The following PTPRA variants were observed in gnomAD, a reference collection of about 807,000 sequenced individuals.
PTPRA encodes the protein protein tyrosine phosphatase receptor type A, also known as receptor-type tyrosine-protein phosphatase alpha.
Under a neutral mutation model 104.8 loss-of-function variants are expected in PTPRA, and 25 were observed. The observed-to-expected ratio is 0.24, with a 90% CI of 0.17 to 0.33. The LOEUF is 0.33. PTPRA is among the 10% of genes least tolerant of loss of function. The pLI, the probability that PTPRA is intolerant of heterozygous loss-of-function variation, is 1.00. For missense variants in PTPRA, 765 were observed against 1,015.3 expected, an observed-to-expected ratio of 0.75 and a Z score of 3.35; for synonymous variants, 323 against 368.9, an observed-to-expected ratio of 0.88 and a Z score of 1.43.
intron 3 of PTPRA, among the ~76,000 whole-genome samples, chr20:2,963,246 A>T (rs909645313): frequency 6.6e-6 from 1 of 152,208 alleles, no homozygotes; most frequent in African/African-American, 2.4e-5. Flanking sequence ...GGGAGCTTTA[A>T]AAGGGACTGC....
rs1450542876 is a variant in PTPRA, at chr20:2,873,554, G to T, written c.-335G>T. 1 of 151,588 alleles carries T rather than the reference G, an allele frequency of 6.6e-6. No homozygotes were observed. Among genetic ancestry groups the T allele is most frequent in the Admixed American group, 6.6e-5 (1 of 15,214 alleles). 9.4% of individuals were successfully genotyped at this position (151,588 alleles called of 1,614,324 possible). ...CGCGCGCGATCGCGCTCGGACCCCG[G>T]CCGCTGCCGCCATCACTGTCGCCCG... On this transcript the variant is annotated 5_prime_UTR_variant, in exon 1 of 24. Coordinates refer to ENST00000399903, the MANE Select transcript of PTPRA (RefSeq NM_001385305.1). The surrounding 1 kb of genome is among the most constrained non-coding windows in gnomAD (Gnocchi z 4.4).
chr20:3,020,253 G>A (rs1287031334), intron 13 of PTPRA, among the ~76,000 whole-genome samples: 1 of 152,060 alleles, frequency 6.6e-6, no homozygotes, highest in Non-Finnish European at 1.5e-5. Flanking sequence ...CCGCCACCAC[G>A]CCCAGCTAAT....
At chr20:2,888,583 G>A (rs1452476579) in intron 1 of PTPRA, among the ~76,000 whole-genome samples, 1 of 151,598 alleles carries the variant, frequency 6.6e-6, no homozygotes, top group Non-Finnish European at 1.5e-5. Context: ...AAAAAAAAAG[G>A]TTTGTTAGTG....
chr20:2,919,285 C>T (rs892251452), intron 1 of PTPRA, among the ~76,000 whole-genome samples: 1 of 152,194 alleles, frequency 6.6e-6, no homozygotes, highest in Non-Finnish European at 1.5e-5. Flanking sequence ...TTATTTAATG[C>T]ATTTTAAAAT....
chr20:2,968,830 T>C (rs2062041253), intron 5 of PTPRA, among the ~76,000 whole-genome samples: 2 of 152,116 alleles, frequency 1.3e-5, no homozygotes, highest in Admixed American at 6.6e-5. Flanking sequence ...GAGGATTACT[T>C]GAGGCCTGGC....
intron 1 of PTPRA, among the ~76,000 whole-genome samples, chr20:2,884,247 G>GTA (rs34116950): frequency 1.5e-4 from 22 of 151,702 alleles, no homozygotes; most frequent in East Asian, 5.8e-4. Flanking sequence ...TTTCTCTTGG[G>GTA]TATATATATA....
At position 3,027,813 on chromosome 20, in the gene PTPRA, T is replaced by C; in HGVS notation, c.1892T>C (p.Met631Thr). The change falls in exon 20 of 24, where the codon ATG becomes ACG. Residue 631 changes from methionine to threonine, a missense_variant. Physicochemically the swap from Met to Thr is moderately conservative, Grantham distance 81. Around this residue, in one of 4 missense-constraint regions of PTPRA, gnomAD observed 192 missense variants for 227.0 expected, o/e 0.85. Coordinates refer to ENST00000399903, the MANE Select transcript of PTPRA (RefSeq NM_001385305.1). ...IWEWKSCSIVMLTELEERGQE... is the reference protein window; with the variant it reads ...IWEWKSCSIVTLTELEERGQE... ...GAGTGGAAATCCTGCTCTATCGTGATGCTAACAGAACTGGAGGAGAGAGGC... is the reference window on the plus strand; with the variant it reads ...GAGTGGAAATCCTGCTCTATCGTGACGCTAACAGAACTGGAGGAGAGAGGC... 6.2e-7 allele frequency: 1 copy of C among 1,614,132 alleles called. No homozygotes were observed. The highest frequency in any genetic ancestry group is 8.5e-7 in the Non-Finnish European group (1 of 1,180,024).
chr20:2,953,039 C>T (rs1403174158), intron 3 of PTPRA, among the ~76,000 whole-genome samples: 1 of 152,040 alleles, frequency 6.6e-6, no homozygotes, highest in African/African-American at 2.4e-5. Flanking sequence ...TGTTCGAGTT[C>T]CTGCTTTCAA....
chr20:2,958,658 TAAAAAAAAAA>T (rs71195806), intron 3 of PTPRA, among the ~76,000 whole-genome samples: 40 of 62,282 alleles, frequency 6.4e-4, no homozygotes, highest in Non-Finnish European at 8.3e-4. Flanking sequence ...CCATCTCTAC[TAAAAAAAAAA>T]AAAAAAAAAA....
At chr20:3,009,813 G>T (rs565709948) in intron 11 of PTPRA, among the ~76,000 whole-genome samples, 10 of 152,002 alleles carry the variant, frequency 6.6e-5, no homozygotes, top group Non-Finnish European at 1.3e-4. Context: ...TCCAGCTGCG[G>T]GTAAGAGAAT....
rs1363200183 is a variant in PTPRA, at chr20:3,037,569, A to C, written c.2334+280A>C. ...CTTCTCTGTGGGTCTTGGGTAAGGA[A>C]GATCCATGAAGAGTACCTGCCTTTG... On this transcript the variant is annotated intron_variant, in intron 23 of 23. Transcript: ENST00000399903. The surrounding 1 kb of genome is among the most constrained non-coding windows in gnomAD (Gnocchi z 4.3). Among the ~76,000 whole-genome samples, 4 of 152,222 alleles carry C rather than the reference A, an allele frequency of 2.6e-5. No homozygotes were observed. The highest frequency in any genetic ancestry group is 5.9e-5 in the Non-Finnish European group (4 of 68,034).
At chr20:2,992,670 C>CTT (rs1354283578) in intron 9 of PTPRA, among the ~76,000 whole-genome samples, 2 of 48,422 alleles carry the variant, frequency 4.1e-5, no homozygotes, top group East Asian at 2.1e-3. Flanking sequence ...GTCTTATATC[C>CTT]ATATCCAAAT....
chr20:2,881,853 T>A (rs2090068483), intron 1 of PTPRA, among the ~76,000 whole-genome samples: 1 of 151,826 alleles, frequency 6.6e-6, no homozygotes, highest in Admixed American at 6.6e-5. Context: ...ACACAGAAAT[T>A]AGCCAGGTAT....
intron 13 of PTPRA, among the ~76,000 whole-genome samples, chr20:3,018,420 A>G (rs2064584867): frequency 6.6e-6 from 1 of 151,226 alleles, no homozygotes; most frequent in Non-Finnish European, 1.5e-5. Context: ...GGGAGTGGTG[A>G]TGACTCTTAA....
Position 2,910,480 on chromosome 20 carries a change from C to CT in PTPRA, c.-128-12706dup, listed in dbSNP as rs34928941. Among the ~76,000 whole-genome samples the CT allele has an allele frequency of 9.5e-4, 16 of 16,770 alleles. 2 individuals carry two copies. Among genetic ancestry groups the CT allele is most frequent in the South Asian group, 6.0e-3 (2 of 336 alleles). The allele number at this position is 16,770 out of a possible 152,430, so 11.0% of individuals were successfully genotyped here. On this transcript the variant is annotated intron_variant, in intron 1 of 23. Coordinates refer to ENST00000399903, the MANE Select transcript of PTPRA (RefSeq NM_001385305.1). ...ATATTATATATAATTTTTATATATA[C>CT]TTTTTTTTTTTTTTTTTTTTTAGAC...
intron 4 of PTPRA, 140 bp downstream of exon 4, chr20:2,964,490 T>C: frequency 1.4e-6 from 1 of 715,822 alleles, no homozygotes; most frequent in Non-Finnish European, 2.3e-6. Context: ...ATAGGTGTCT[T>C]CAGAAATCTT....
At chr20:2,955,745 CTG>C (rs1321966901) in intron 3 of PTPRA, 1 of 869,298 alleles carries the variant, frequency 1.2e-6, no homozygotes, top group Non-Finnish European at 1.4e-6. Flanking sequence ...CTCCTGCCTA[CTG>C]TGTTTCTCAG....
chr20:2,959,464 G>A (rs2061667133), intron 3 of PTPRA, among the ~76,000 whole-genome samples: 1 of 151,840 alleles, frequency 6.6e-6, no homozygotes, highest in Admixed American at 6.6e-5. Context: ...ATCTGTTTAG[G>A]TCCTTCAGAT....
chr20:2,905,322 ACT>A (rs1194491231), intron 1 of PTPRA, among the ~76,000 whole-genome samples: 2 of 152,110 alleles, frequency 1.3e-5, no homozygotes, highest in East Asian at 3.9e-4. Context: ...AAATAACCAC[ACT>A]CTATTCTTCC....
Sources: gnomAD v4.1 joint callset for allele counts (sites outside exome capture counted in the v4.1 genomes callset) on GRCh38, gnomAD v4.1.1 for gene constraint, gnomAD v4.1.1 regional missense constraint, Gnocchi (gnomAD v3.1) non-coding constraint, MANE v1.5 for transcripts, NCBI Gene and HGNC (gene_info 2026-07-23, HGNC 2026-07-21) for gene names.